Variants in TPH2 observed in about 807,000 individuals in gnomAD.
The protein encoded by TPH2 is tryptophan hydroxylase 2.
In TPH2, 27 loss-of-function variants were observed where a neutral mutation model predicts 59.1. That is an observed-to-expected ratio of 0.46 (90% confidence interval 0.34 to 0.63). TPH2 has a LOEUF of 0.63. Among genes scored for constraint, TPH2 ranks in the 30% least tolerant of loss-of-function variants. The pLI, the probability that TPH2 is intolerant of heterozygous loss-of-function variation, is 0.01. For synonymous variants in TPH2, 220 were observed against 210.5 expected (o/e 1.05, Z -0.39); for missense variants, 523 against 588.3 (o/e 0.89, Z 1.15).
chr12:72,000,897 T>C (rs1362791999), intron 8 of TPH2, among the ~76,000 whole-genome samples: 2 of 152,232 alleles, frequency 1.3e-5, no homozygotes, highest in Non-Finnish European at 2.9e-5. Context: ...ACTGATCAGA[T>C]GAATTTAGGA....
At chr12:71,960,003 A>T (rs1334840489) in intron 5 of TPH2, among the ~76,000 whole-genome samples, 1 of 152,174 alleles carries the variant, frequency 6.6e-6, no homozygotes, top group African/African-American at 2.4e-5. Flanking sequence ...CCATTCCATT[A>T]TCTTCCATTG....
At chr12:71,972,368 T>G in intron 5 of TPH2, 151 bp from the exon 6 acceptor site, 1 of 767,728 alleles carries the variant, frequency 1.3e-6, no homozygotes, top group East Asian at 2.5e-5. Flanking sequence ...AGGTTAGCAT[T>G]TGCTTTAAAA....
Position 72,032,270 on chromosome 12 carries a change from C to T in TPH2, c.*575C>T, listed in dbSNP as rs1873743906. On this transcript the variant is annotated 3_prime_UTR_variant, in exon 11 of 11. Coordinates refer to ENST00000333850, the MANE Select transcript of TPH2 (RefSeq NM_173353.4). ...CACAATGCAAGAAAACACCTTTTTA[C>T]AAATGGAATTATGTAGGTTGCGTTG... is the stretch of plus-strand genomic sequence containing the variant. The T allele has an allele frequency of 6.3e-6, 1 of 158,910 alleles. No homozygotes were observed. Among genetic ancestry groups the T allele is most frequent in the Non-Finnish European group, 1.4e-5 (1 of 71,842 alleles). The allele number at this position is 158,910 out of a possible 1,614,324, so 9.8% of individuals were successfully genotyped here. A position where few individuals can be genotyped will look rare whatever the true frequency, so the allele number is the denominator to read the frequency against.
At position 72,031,618 on chromosome 12, in the gene TPH2, G is replaced by T; in HGVS notation, c.1396G>T (p.Val466Leu). 6.2e-7 allele frequency: 1 copy of T among 1,613,670 alleles called. No homozygotes were observed. Among genetic ancestry groups the T allele is most frequent in the Non-Finnish European group, 8.5e-7 (1 of 1,179,626 alleles). The change falls in exon 11 of 11, where the codon GTG (valine) becomes TTG (leucine). Residue 466 changes from valine to leucine, a missense_variant. Val to Leu is a conservative substitution (Grantham distance 32). Coordinates refer to ENST00000333850, the MANE Select transcript of TPH2 (RefSeq NM_173353.4). ...GAAAGACACCAGAAGTATTGAAAAT[G>T]TGGTGCAGGACCTTCGCAGCGACTT... ...ILKDTRSIEN[V>L]VQDLRSDLNT...
At chr12:71,950,300 T>G (rs977112079) in intron 5 of TPH2, among the ~76,000 whole-genome samples, 1 of 152,160 alleles carries the variant, frequency 6.6e-6, no homozygotes, top group Non-Finnish European at 1.5e-5. Flanking sequence ...AGCTGTTGAT[T>G]TCACCTGGGT....
At chr12:71,986,318 C>G (rs1872432849) in intron 7 of TPH2, among the ~76,000 whole-genome samples, 1 of 152,158 alleles carries the variant, frequency 6.6e-6, no homozygotes, top group African/African-American at 2.4e-5. Flanking sequence ...TCATAAAATT[C>G]CAGTGCGTCC....
chr12:71,988,486 A>T (rs1365315568), intron 7 of TPH2, among the ~76,000 whole-genome samples: 1 of 152,172 alleles, frequency 6.6e-6, no homozygotes, highest in Non-Finnish European at 1.5e-5. Flanking sequence ...CACATGGCGA[A>T]GGGAGGAATG....
chr12:71,970,098 G>A (rs1207698101), intron 5 of TPH2, among the ~76,000 whole-genome samples: 2 of 152,128 alleles, frequency 1.3e-5, no homozygotes, highest in Non-Finnish European at 2.9e-5. Context: ...CAACAGAAAC[G>A]AAGTAGATAA....
At chr12:71,966,781 A>G (rs562779870) in intron 5 of TPH2, among the ~76,000 whole-genome samples, 2 of 152,292 alleles carry the variant, frequency 1.3e-5, no homozygotes, top group African/African-American at 4.8e-5. Flanking sequence ...AATACTATCA[A>G]TTGCAGCCTG....
chr12:71,981,414 G>A (rs2139210476), intron 7 of TPH2, among the ~76,000 whole-genome samples: 1 of 152,282 alleles, frequency 6.6e-6, no homozygotes, highest in South Asian at 2.1e-4. Context: ...ATGACTGGGG[G>A]TGAGGGCTGG....
chr12:71,939,457 A>C (rs887342113), intron 1 of TPH2, among the ~76,000 whole-genome samples: 2 of 151,226 alleles, frequency 1.3e-5, no homozygotes, highest in African/African-American at 2.4e-5. Flanking sequence ...TATGAGGAGG[A>C]GGAGTAGGGA....
chr12:72,008,464 T>TA (rs1484270392), intron 8 of TPH2, among the ~76,000 whole-genome samples: 3 of 152,154 alleles, frequency 2.0e-5, no homozygotes, highest in African/African-American at 7.2e-5. Flanking sequence ...TAACCTGAGT[T>TA]ATAGCTCTTA....
At chr12:71,981,961 A>C (rs1437350176) in intron 7 of TPH2, among the ~76,000 whole-genome samples, 2 of 146,114 alleles carry the variant, frequency 1.4e-5, no homozygotes, top group Non-Finnish European at 3.0e-5. Flanking sequence ...GGATTCACTC[A>C]CTTGGGGTTG....
intron 8 of TPH2, among the ~76,000 whole-genome samples, chr12:72,016,031 T>G (rs1873241263): frequency 6.6e-6 from 1 of 152,194 alleles, no homozygotes; most frequent in Non-Finnish European, 1.5e-5. Context: ...AAGAAAAGAA[T>G]GCTGGATTTG....
intron 8 of TPH2, 85 bp from the exon 9 acceptor site, chr12:72,022,314 G>A (rs1389300980): frequency 8.1e-6 from 7 of 868,104 alleles, no homozygotes; most frequent in Non-Finnish European, 1.2e-5. Flanking sequence ...ATTATGCACA[G>A]CCCACCATTT....
Position 71,972,716 on chromosome 12 carries a change from G to T in TPH2, c.805+1G>T. On this transcript the variant is annotated splice_donor_variant, in intron 6 of 10. Coordinates refer to ENST00000333850, the MANE Select transcript of TPH2 (RefSeq NM_173353.4). LOFTEE classifies it high-confidence loss of function. ...GAAGATGTCTCCATGTTTCTGAAAG[G>T]TAAGATTTCACACAGGCTGTCTCTT... 1 of 1,613,366 alleles carries T rather than the reference G, an allele frequency of 6.2e-7. No individual in the cohort carries two copies. The highest frequency in any genetic ancestry group is 8.5e-7 in the Non-Finnish European group (1 of 1,179,918).
chr12:71,944,435 G>T lies in TPH2; in HGVS notation c.397G>T (p.Val133Leu). 1.2e-6 allele frequency: 2 copies of T among 1,613,984 alleles called. No individual in the cohort carries two copies. The highest frequency in any genetic ancestry group is 1.7e-6 in the Non-Finnish European group (2 of 1,179,892). ...GTTGCTGAAATTTCAAACCACTATT[G>T]TGACGCTGAATCCTCCAGAGAACAT... is the stretch of plus-strand genomic sequence containing the variant. The part of the protein sequence containing the change: ...IQLLKFQTTI[V>L]TLNPPENIWT... The change falls in exon 3 of 11, where the codon GTG becomes TTG. Residue 133 changes from valine (V) to leucine (L), a missense_variant. Val to Leu is a conservative substitution (Grantham distance 32). Transcript: ENST00000333850.
Position 71,964,628 on chromosome 12 carries a change from T to C in TPH2, c.609-7891T>C, listed in dbSNP as rs992176720. 13 of 985,210 alleles carry C rather than the reference T, an allele frequency of 1.3e-5. No homozygotes were observed. In the East Asian group the frequency reaches 9.1e-4, roughly 69 times the overall value. 61.0% of individuals were successfully genotyped at this position (985,210 alleles called of 1,614,324 possible). A position where few individuals can be genotyped will look rare whatever the true frequency, so the allele number is the denominator to read the frequency against. On this transcript the variant is annotated intron_variant, in intron 5 of 10. Coordinates refer to ENST00000333850, the MANE Select transcript of TPH2 (RefSeq NM_173353.4). ...ACTATTTCATGAAGGTGGTACCAAC[T>C]AATATAGTACTAGGTAACACTATGG...
chr12:71,996,335 C>G (rs575915550), intron 8 of TPH2, among the ~76,000 whole-genome samples: 95 of 152,296 alleles, frequency 6.2e-4, no homozygotes, highest in African/African-American at 2.2e-3. Context: ...TGGCCATATT[C>G]CGTTCATTAG....
Sources: gnomAD v4.1 joint callset for allele counts (sites outside exome capture counted in the v4.1 genomes callset) on GRCh38, gnomAD v4.1.1 for gene constraint, MANE v1.5 for transcripts, NCBI Gene and HGNC (gene_info 2026-07-23, HGNC 2026-07-21) for gene names.